MAP3K15: variants seen among roughly 807,000 people sequenced by gnomAD.
MAP3K15 encodes MAPK/ERK kinase kinase 15.
MAP3K15 carries 124 observed loss-of-function variants against 99.5 expected under a neutral mutation model. That is an observed-to-expected ratio of 1.25 (90% CI 1.08 to 1.45). The LOEUF is 1.45. Among genes scored for constraint, MAP3K15 ranks in the 40% most tolerant of loss-of-function variants. The pLI is 0.00. For synonymous variants in MAP3K15, 494 were observed against 439.6 expected, an observed-to-expected ratio of 1.12 and a Z score of -1.55; for missense variants, 1,242 against 1,079.7, an observed-to-expected ratio of 1.15 and a Z score of -2.11.
intron 3 of MAP3K15, among the ~76,000 whole-genome samples, chrX:19,485,842 G>A (rs748937421): frequency 9.0e-6 from 1 of 111,309 alleles, no homozygotes; most frequent in Non-Finnish European, 1.9e-5. Flanking sequence ...AGCTTGGAGT[G>A]CACTCAAGGG....
Position 19,450,906 on chromosome X carries a change from TG to T in MAP3K15, c.995+6006del, listed in dbSNP as rs1333561892. Among the ~76,000 whole-genome samples the T allele has an allele frequency of 1.8e-5, 2 of 108,520 alleles. 1 individual carries two copies. The highest frequency in any genetic ancestry group is 3.9e-5 in the Non-Finnish European group (2 of 51,500). The allele number at this position is 108,520 out of a possible 115,157, so 94.2% of individuals were successfully genotyped here. ...ATTTATCAAAAAAAAAAAATACAAC[TG>T]GCTTTTTGTTATAAAAAGTATACAT... On this transcript the variant is annotated intron_variant, in intron 6 of 28. Transcript: ENST00000338883.
At chrX:19,388,253 G>A (rs148865795) in intron 18 of MAP3K15, among the ~76,000 whole-genome samples, 317 of 112,244 alleles carry the variant, frequency 2.8e-3, no homozygotes, top group African/African-American at 9.1e-3. Context: ...GGCTTCAAGC[G>A]ATGAGTCCTT....
At chrX:19,512,358 C>T (rs2064525234) in intron 1 of MAP3K15, among the ~76,000 whole-genome samples, 1 of 111,978 alleles carries the variant, frequency 8.9e-6, no homozygotes, top group Non-Finnish European at 1.9e-5. Context: ...TCAACAGTTC[C>T]CCTCCCCCAC....
chrX:19,391,674 C>CAAAAAAAAAAAAA (rs759061873), intron 18 of MAP3K15, among the ~76,000 whole-genome samples: 7 of 28,447 alleles, frequency 2.5e-4, no homozygotes, highest in African/African-American at 5.3e-4. Flanking sequence ...GACCCCGTCT[C>CAAAAAAAAAAAAA]AAAAAAAAAA....
In MAP3K15 at chrX:19,425,581, C is replaced by A. The variant is rs746342643; in HGVS notation, c.1389G>T (p.Gly463=). Residue 463 remains glycine (G), a synonymous_variant, in exon 9 of 29, where the codon GGG becomes GGT. Coordinates refer to ENST00000338883, the MANE Select transcript of MAP3K15 (RefSeq NM_001001671.4). ...ACCTCTCTGCTGCCTGGACGGCTTTCCCGACATCATGGGCCAGCATGCTGA... is the reference window on the plus strand; with the variant it reads ...ACCTCTCTGCTGCCTGGACGGCTTTACCGACATCATGGGCCAGCATGCTGA... ...FSVSMLAHDV[G]KAVQAAERLF... 1.6e-5 allele frequency: 19 copies of A among 1,197,731 alleles called. No individual in the cohort carries two copies. In the African/African-American group the frequency reaches 3.0e-4, roughly 19 times the overall value.
intron 4 of MAP3K15, among the ~76,000 whole-genome samples, chrX:19,463,130 G>A (rs930535251): frequency 2.7e-5 from 3 of 112,079 alleles, no homozygotes; most frequent in African/African-American, 9.7e-5. Flanking sequence ...AGCAAGGCAT[G>A]ACTGCATGAG....
At chrX:19,386,371 G>C (rs968998866) in intron 18 of MAP3K15, among the ~76,000 whole-genome samples, 63 of 111,502 alleles carry the variant, frequency 5.7e-4, no homozygotes, top group African/African-American at 1.9e-3. Context: ...CAGGAGAATC[G>C]TTTGAACCCG....
chrX:19,507,834 T>A (rs1441811948), intron 1 of MAP3K15, among the ~76,000 whole-genome samples: 7 of 110,383 alleles, frequency 6.3e-5, no homozygotes, highest in African/African-American at 2.3e-4. Flanking sequence ...AAAACTATTT[T>A]AAAAAAAGTT....
At position 19,443,807 on chromosome X, in the gene MAP3K15, A is replaced by G. The variant is rs1352975562; in HGVS notation, c.996-12199T>C. On this transcript the variant is annotated intron_variant, in intron 6 of 28. Coordinates refer to ENST00000338883, the MANE Select transcript of MAP3K15 (RefSeq NM_001001671.4). ...GAGTCATTTCTATTCCTCTTATGCC[A>G]AGTTTCTCAAAGGCTCTGCCTAATC... Among the ~76,000 whole-genome samples the G allele has an allele frequency of 4.5e-5, 5 of 111,333 alleles. No homozygotes were observed. In the South Asian group the frequency reaches 1.9e-3, roughly 43 times the overall value.
At chrX:19,478,773 T>A (rs868380786) in intron 3 of MAP3K15, among the ~76,000 whole-genome samples, 5 of 95,961 alleles carry the variant, frequency 5.2e-5, no homozygotes, top group African/African-American at 1.2e-4. Flanking sequence ...TTTTTTTTTT[T>A]AATAATGTGA....
intron 25 of MAP3K15, among the ~76,000 whole-genome samples, chrX:19,365,128 G>A (rs763990431): frequency 7.5e-5 from 8 of 106,253 alleles, no homozygotes; most frequent in South Asian, 4.2e-4. Flanking sequence ...AGAATAGTTC[G>A]AACCCAGGAG....
chrX:19,432,486 C>G (rs2063890273), intron 6 of MAP3K15, among the ~76,000 whole-genome samples: 1 of 104,135 alleles, frequency 9.6e-6, no homozygotes. Context: ...ACCCAGGAGG[C>G]AGAGGTGGCA....
chrX:19,486,404 G>A (rs1437467266), intron 3 of MAP3K15, 78 bp downstream of exon 3: 9 of 429,166 alleles, frequency 2.1e-5, no homozygotes, highest in Admixed American at 5.4e-5. Context: ...CTACCTGGGC[G>A]ATTTTCAGGC....
In MAP3K15 at chrX:19,431,539, G is replaced by A. The variant is rs988076694; in HGVS notation, c.1065C>T (p.His355=). Reference sequence around the variant, plus strand: ...ACAGGCAGAACATGTCGGGGCCCGGGTGATCACAGCTCTGCAGAACCTGGA... The same window carrying A: ...ACAGGCAGAACATGTCGGGGCCCGGATGATCACAGCTCTGCAGAACCTGGA... ...IMLQVLQSCD[H]PGPDMFCLCG... is the part of the protein sequence containing the mutation. The change falls in exon 7 of 29, where the codon CAC becomes CAT. Residue 355 remains histidine (H), a synonymous_variant. Coordinates refer to ENST00000338883, the MANE Select transcript of MAP3K15 (RefSeq NM_001001671.4). 5.0e-6 allele frequency: 6 copies of A among 1,199,797 alleles called. No homozygotes were observed. In the Admixed American group the frequency reaches 8.7e-5, roughly 17 times the overall value.
In MAP3K15 at chrX:19,515,417, G is replaced by A. The variant is rs2064556104; in HGVS notation, c.-156C>T. 8.9e-6 allele frequency among the ~76,000 whole-genome samples: 1 copy of A among 112,684 alleles called. No individual in the cohort carries two copies. Among genetic ancestry groups the A allele is most frequent in the Non-Finnish European group, 1.9e-5 (1 of 53,073 alleles). ...GGGAACGGAGCGCACCGGGGACCCC[G>A]CGGCGGGCCGAAGACGGCAGTACCC... On this transcript the variant is annotated 5_prime_UTR_variant, in exon 1 of 29. Transcript: ENST00000338883.
chrX:19,485,032 GGT>G (rs2064313571), intron 3 of MAP3K15, among the ~76,000 whole-genome samples: 1 of 110,939 alleles, frequency 9.0e-6, no homozygotes, highest in Admixed American at 9.6e-5. Flanking sequence ...ATCAAGGCTG[GGT>G]GAGGTGGCTC....
rs1218320598 is a variant in MAP3K15 at position 19,361,266 on chromosome X, G to C, written c.3857+73C>G. 3 of 913,696 alleles carry C rather than the reference G, an allele frequency of 3.3e-6. No homozygotes were observed. In the African/African-American group the frequency reaches 5.9e-5, roughly 18 times the overall value. 75.3% of individuals were successfully genotyped at this position (913,696 alleles called of 1,213,427 possible). Reference sequence around the variant, plus strand: ...AGTTTGGGGGGAGGCCCAGCCCTTTGTTTTCTGCTCTTGAAGCATATTCAC... The same window carrying C: ...AGTTTGGGGGGAGGCCCAGCCCTTTCTTTTCTGCTCTTGAAGCATATTCAC... On this transcript the variant is annotated intron_variant, in intron 28 of 28. Coordinates refer to ENST00000338883, the MANE Select transcript of MAP3K15 (RefSeq NM_001001671.4).
chrX:19,428,724 C>T lies in MAP3K15; in HGVS notation c.1167-2381G>A, dbSNP rs376850425. Among the ~76,000 whole-genome samples, 37 of 111,661 alleles carry T rather than the reference C, an allele frequency of 3.3e-4. No individual in the cohort carries two copies. In the East Asian group the frequency reaches 9.1e-3, roughly 27 times the overall value. On this transcript the variant is annotated intron_variant, in intron 7 of 28. Coordinates refer to ENST00000338883, the MANE Select transcript of MAP3K15 (RefSeq NM_001001671.4). ...GCTCACGCCTGTAATACCAGCACTT[C>T]GAGAGGCCGAGGTAGGTGGATTGCC...
At chrX:19,509,305 C>T (rs56834674) in intron 1 of MAP3K15, among the ~76,000 whole-genome samples, 1,910 of 111,655 alleles carry the variant, frequency 0.017, 52 homozygotes, top group African/African-American at 0.058. Flanking sequence ...TTCTTCTTAG[C>T]GCCACATAGC....
Sources: allele counts gnomAD v4.1 joint callset (sites outside exome capture counted in the v4.1 genomes callset), GRCh38; gene constraint gnomAD v4.1.1; transcripts MANE v1.5; gene names NCBI Gene and HGNC (gene_info 2026-07-23, HGNC 2026-07-21).